AVEN: variants seen among roughly 807,000 people sequenced by gnomAD.
The protein encoded by AVEN is cell death regulator Aven.
In AVEN, 41 loss-of-function variants were observed where a neutral mutation model predicts 38.1. The ratio of observed to expected loss-of-function variants is 1.08; its 90% CI spans 0.84 to 1.40. AVEN has a LOEUF of 1.40. Among genes scored for constraint, AVEN ranks in the 40% most tolerant of loss-of-function variants. The pLI is 0.00. For missense variants in AVEN, 605 were observed against 438.8 expected (o/e 1.38, Z -3.38); for synonymous variants, 206 against 171.8 (o/e 1.20, Z -1.56).
chr15:33,879,787 G>A (rs906809388), intron 2 of AVEN, among the ~76,000 whole-genome samples: 1 of 152,058 alleles, frequency 6.6e-6, no homozygotes, highest in African/African-American at 2.4e-5. Context: ...AATGTGGTTT[G>A]ACAAAAAGAA....
chr15:33,948,554 A>G (rs1401654087), intron 2 of AVEN, among the ~76,000 whole-genome samples: 1 of 152,244 alleles, frequency 6.6e-6, no homozygotes, highest in Non-Finnish European at 1.5e-5. Flanking sequence ...CTAAATAAAG[A>G]TACTAAAAAT....
At chr15:33,861,243 T>A, downstream of AVEN, 2 of 1,174,530 alleles carry the variant, frequency 1.7e-6, no homozygotes, top group Non-Finnish European at 2.5e-6. Context: ...TTAGGTCATA[T>A]AGTTCAGTCT....
In AVEN at chr15:34,067,151, A is replaced by G. The variant is rs574551117; in HGVS notation, n.785-340T>C. 7 of 152,278 alleles carry G rather than the reference A, an allele frequency of 4.6e-5. No individual in the cohort carries two copies. In the South Asian group the frequency reaches 8.3e-4, roughly 18 times the overall value. The allele number at this position is 152,278 out of a possible 1,614,324, so 9.4% of individuals were successfully genotyped here. A position where few individuals can be genotyped will look rare whatever the true frequency, so the allele number is the denominator to read the frequency against. On this transcript the variant is annotated intron_variant and non_coding_transcript_variant, in intron 2 of 11. Transcript: ENST00000675287. The stretch of plus-strand genomic sequence containing the variant: ...TACTGGATGCTGTTACTTTGCTATC[A>G]TTGTAATTTGTTTCCCCTTGGCTGT...
intron 2 of AVEN, among the ~76,000 whole-genome samples, chr15:33,926,709 G>A (rs1017663761): frequency 5.3e-5 from 8 of 152,098 alleles, no homozygotes; most frequent in Non-Finnish European, 1.2e-4. Context: ...CACCCAGGCT[G>A]GAGTGCACAA....
intron 2 of AVEN, chr15:34,066,814 C>CAA (rs34150283): frequency 0.24 from 34,678 of 147,352 alleles, 4,795 homozygotes; most frequent in East Asian, 0.52. Context: ...GACCCTGCCT[C>CAA]AAAAAAAAAA....
chr15:34,068,813 A>ACTT (rs371327401), intron 2 of AVEN, among the ~76,000 whole-genome samples: 1 of 136,498 alleles, frequency 7.3e-6, no homozygotes, highest in Non-Finnish European at 1.5e-5. Context: ...CTACAATCCA[A>ACTT]TTTTTTTTTT....
chr15:33,995,429 T>C (rs1015539192), intron 2 of AVEN, among the ~76,000 whole-genome samples: 1 of 152,234 alleles, frequency 6.6e-6, no homozygotes, highest in African/African-American at 2.4e-5. Flanking sequence ...ATCTATACTT[T>C]TTGCATAGGT....
chr15:33,988,633 G>A (rs187341413), intron 2 of AVEN, among the ~76,000 whole-genome samples: 1 of 152,140 alleles, frequency 6.6e-6, no homozygotes, highest in Non-Finnish European at 1.5e-5. Context: ...ACACACACAC[G>A]TCTTGCCTAT....
downstream of AVEN, chr15:33,856,653 TG>T (rs879680115): frequency 0.13 from 10,495 of 79,116 alleles, 548 homozygotes; most frequent in Non-Finnish European, 0.17. Flanking sequence ...TTGGGTTTTT[TG>T]TTTGTTTGTT....
At chr15:33,902,040 T>G (rs1195159371) in intron 2 of AVEN, among the ~76,000 whole-genome samples, 2 of 152,228 alleles carry the variant, frequency 1.3e-5, no homozygotes. Flanking sequence ...ATATAGTTCA[T>G]GTATTTATTT....
chr15:33,914,371 C>T (rs1244338880), intron 2 of AVEN, among the ~76,000 whole-genome samples: 2 of 152,092 alleles, frequency 1.3e-5, no homozygotes, highest in African/African-American at 2.4e-5. Context: ...AGAAATAGAC[C>T]TGTACCTAAC....
Position 34,063,040 on chromosome 15 carries a change from C to T in AVEN, n.1519G>A. ...AGTCTGGCTTGTGACCTTTGGCTTG[C>T]ACTGGACTACGTGGCCAGCAACGCT... On this transcript the variant is annotated non_coding_transcript_exon_variant, in exon 5 of 12. Transcript: ENST00000675287. This position sits in a 1 kb window ranked among gnomAD's most constrained non-coding sequence, Gnocchi z 4.1. The T allele has an allele frequency of 6.2e-7, 1 of 1,614,248 alleles. No homozygotes were observed. Among genetic ancestry groups the T allele is most frequent in the East Asian group, 2.2e-5 (1 of 44,888 alleles).
chr15:33,883,885 C>A (rs143192788), intron 2 of AVEN: 1 of 152,290 alleles, frequency 6.6e-6, no homozygotes, highest in African/African-American at 2.4e-5. Context: ...GAACTGCAGA[C>A]ATCATTCATT....
intron 1 of AVEN, among the ~76,000 whole-genome samples, chr15:34,033,533 A>T (rs1898963715): frequency 6.6e-6 from 1 of 152,186 alleles, no homozygotes; most frequent in Admixed American, 6.5e-5. Context: ...TGCAAATCAA[A>T]ATAACTGTAT....
intron 1 of AVEN, among the ~76,000 whole-genome samples, chr15:34,072,006 C>T (rs62014673): frequency 0.21 from 32,432 of 152,028 alleles, 3,699 homozygotes; most frequent in Middle Eastern, 0.29. Context: ...GGACTCATGC[C>T]TGTAATTCCA....
chr15:34,005,496 A>T (rs1897304441), intron 1 of AVEN, among the ~76,000 whole-genome samples: 1 of 152,210 alleles, frequency 6.6e-6, no homozygotes, highest in Admixed American at 6.5e-5. Flanking sequence ...AATGGAGTCA[A>T]GCTAAATATT....
intron 1 of AVEN, among the ~76,000 whole-genome samples, chr15:34,072,564 CTG>C (rs745780928): frequency 1 from 149,704 of 149,756 alleles, 74,827 homozygotes; most frequent in Middle Eastern, 1. Flanking sequence ...GAGTCAAGAT[CTG>C]GCCACTGCAC....
chr15:33,994,928 T>C (rs1039338806), intron 2 of AVEN, among the ~76,000 whole-genome samples: 6 of 152,136 alleles, frequency 3.9e-5, no homozygotes, highest in African/African-American at 1.4e-4. Flanking sequence ...ATTGGTAGAT[T>C]TAACCAACCA....
intron 2 of AVEN, among the ~76,000 whole-genome samples, chr15:33,980,950 T>G (rs1175785641): frequency 6.6e-6 from 1 of 152,150 alleles, no homozygotes; most frequent in Non-Finnish European, 1.5e-5. Flanking sequence ...AAGATTAACA[T>G]AGGATTCAGA....
Sources: allele counts gnomAD v4.1 joint callset (sites outside exome capture counted in the v4.1 genomes callset), GRCh38; gene constraint gnomAD v4.1.1; non-coding constraint Gnocchi (gnomAD v3.1); transcripts MANE v1.5; gene names NCBI Gene and HGNC (gene_info 2026-07-23, HGNC 2026-07-21).